PLCH2: variants seen among roughly 807,000 people sequenced by gnomAD.
PLCH2 encodes the protein phospholipase C eta 2.
PLCH2 carries 98 observed loss-of-function variants against 134.7 expected under a neutral mutation model. The observed-to-expected ratio is 0.73, with a 90% CI of 0.62 to 0.86. PLCH2 has a LOEUF of 0.86. PLCH2 is among the 40% of genes least tolerant of loss of function. The pLI is 0.00. For synonymous variants in PLCH2, 974 were observed against 827.5 expected (o/e 1.18, Z -3.04); for missense variants, 1,994 against 1,986.6 (o/e 1.00, Z -0.07).
At chr1:2,470,450 A>G (rs959207714) in intron 1 of PLCH2, among the ~76,000 whole-genome samples, 2 of 152,210 alleles carry the variant, frequency 1.3e-5, no homozygotes, top group African/African-American at 4.8e-5. Flanking sequence ...TCAGAGGGCC[A>G]GCTCCATCTC....
At position 2,504,731 on chromosome 1, in the gene PLCH2, C is replaced by G. The variant is rs1259468194; in HGVS notation, c.3769C>G (p.Leu1257Val). ...CCCCGTGGCTGCCAAGTCCAAGAGC[C>G]TGGGCGACCTCACTGCTGATGACTT... ...DCPVAAKSKSLGDLTADDFAP... is the reference protein window; with the variant it reads ...DCPVAAKSKSVGDLTADDFAP... The change falls in exon 22 of 22, where the codon CTG becomes GTG. Residue 1257 changes from leucine to valine, a missense_variant. By Grantham distance (32) the Leu-to-Val change is conservative (BLOSUM62 1). Transcript: ENST00000378486. 1.2e-6 allele frequency: 2 copies of G among 1,612,590 alleles called. No individual in the cohort carries two copies. Among genetic ancestry groups the G allele is most frequent in the Admixed American group, 1.7e-5 (1 of 60,016 alleles).
rs777511953 is a variant in PLCH2 at position 2,498,639 on chromosome 1, C to T, written c.2341C>T (p.Arg781Cys). 62 of 1,126,450 alleles carry T rather than the reference C, an allele frequency of 5.5e-5. No individual in the cohort carries two copies. The highest frequency in any genetic ancestry group is 6.5e-5 in the Non-Finnish European group (56 of 863,760). 69.8% of individuals were successfully genotyped at this position (1,126,450 alleles called of 1,614,324 possible). Residue 781 changes from arginine to cysteine, a missense_variant, in exon 17 of 22, where the codon CGT becomes TGT. Arg to Cys is a radical substitution (Grantham distance 180). Coordinates refer to ENST00000378486, the MANE Select transcript of PLCH2 (RefSeq NM_014638.4). This position sits in a 1 kb window ranked among gnomAD's most constrained non-coding sequence, Gnocchi z 5.4. ...GCCGCGCGACTCCATGCTGGGGGACCGTGGGGAGGTGGGGGCCAGCCCCAC... is the reference window on the plus strand; with the variant it reads ...GCCGCGCGACTCCATGCTGGGGGACTGTGGGGAGGTGGGGGCCAGCCCCAC... ...PKPRDSMLGDRGEIIDPFVEV... is the reference protein window; with the variant it reads ...PKPRDSMLGDCGEIIDPFVEV...
rs566449864 is a variant in PLCH2, at chr1:2,494,878, A to C, written c.1682A>C (p.Glu561Ala). 1 of 1,606,654 alleles carries C rather than the reference A, an allele frequency of 6.2e-7. No individual in the cohort carries two copies. The highest frequency in any genetic ancestry group is 1.1e-5 in the South Asian group (1 of 89,510). Residue 561 changes from glutamate to alanine, a missense_variant, in exon 12 of 22, where the codon GAG becomes GCG. By Grantham distance (107) the Glu-to-Ala change is moderately radical (BLOSUM62 -1). This residue lies in a region of PLCH2 where 1,094 missense variants were observed against 1,234.3 expected (regional missense o/e 0.89). Transcript: ENST00000378486. ...GRKSKAEEDVESGEDAGASRR... is the reference protein window; with the variant it reads ...GRKSKAEEDVASGEDAGASRR... ...CAGAGCAAGGCTGAAGAGGACGTGG[A>C]GTCTGGGGAGGATGCCGGGGCCAGC...
intron 3 of PLCH2, 42 bp downstream of exon 3, chr1:2,480,019 G>A (rs1387483562): frequency 6.9e-6 from 11 of 1,588,120 alleles, no homozygotes; most frequent in East Asian, 2.3e-5. Context: ...CCCAGGGACC[G>A]GCCCCTTGGC....
At chr1:2,496,087 C>A (rs998118828) in intron 13 of PLCH2, among the ~76,000 whole-genome samples, 2 of 152,140 alleles carry the variant, frequency 1.3e-5, no homozygotes, top group Non-Finnish European at 2.9e-5. Context: ...CTCCTATTGC[C>A]GTCTCCCCTC....
intron 2 of PLCH2, among the ~76,000 whole-genome samples, chr1:2,460,719 G>A (rs1273229014): frequency 6.6e-6 from 1 of 152,194 alleles, no homozygotes; most frequent in Non-Finnish European, 1.5e-5. Context: ...TGGTCCTGGG[G>A]GTGGGGACTG....
At chr1:2,418,868 G>A in the PLCH2 span, among the ~76,000 whole-genome samples, 2 of 152,206 alleles carry the variant, frequency 1.3e-5, no homozygotes, top group African/African-American at 4.8e-5. Flanking sequence ...TTATGCCCAG[G>A]TCTCTGCCCA....
chr1:2,436,891 A>G (rs1183693932), intron 2 of PLCH2, among the ~76,000 whole-genome samples: 1 of 152,158 alleles, frequency 6.6e-6, no homozygotes, highest in Non-Finnish European at 1.5e-5. Context: ...AGCATGGCCC[A>G]TCTGGTTAGA....
At chr1:2,499,295 T>C (rs1643080523) in intron 19 of PLCH2, 65 bp downstream of exon 19, 3 of 1,570,384 alleles carry the variant, frequency 1.9e-6, no homozygotes, top group African/African-American at 1.3e-5. Flanking sequence ...GCAGGTACTC[T>C]TTCCCCTGTG....
At chr1:2,460,015 C>T (rs1036522403) in intron 2 of PLCH2, among the ~76,000 whole-genome samples, 2 of 152,222 alleles carry the variant, frequency 1.3e-5, no homozygotes, top group Non-Finnish European at 2.9e-5. Flanking sequence ...TGAGCTGGGA[C>T]CTGGGCCAAG....
chr1:2,422,879 A>G (rs958781625), upstream of PLCH2, among the ~76,000 whole-genome samples: 2 of 152,146 alleles, frequency 1.3e-5, no homozygotes, highest in African/African-American at 4.8e-5. Context: ...ACCTGTGCAT[A>G]ATTTTGGAAG....
At chr1:2,474,122 G>A (rs1641485523), upstream of PLCH2, among the ~76,000 whole-genome samples, 1 of 152,054 alleles carries the variant, frequency 6.6e-6, no homozygotes, top group Non-Finnish European at 1.5e-5. Context: ...AGGCTGTGGG[G>A]CTGGGCTCGC....
In PLCH2 at chr1:2,476,507, G is replaced by A. The variant is rs1488790683; in HGVS notation, c.-82G>A. The stretch of plus-strand genomic sequence containing the variant: ...GCCCCACGGAGGTCCTGTCGCCAGC[G>A]CTGCCACTGCCTGACCTCCGCTGCC... On this transcript the variant is annotated 5_prime_UTR_variant, in exon 1 of 22. Transcript: ENST00000378486. 20 of 1,347,248 alleles carry A rather than the reference G, an allele frequency of 1.5e-5. No homozygotes were observed. The Admixed American group carries it at 2.1e-4, about 14-fold the overall frequency. 83.5% of individuals were successfully genotyped at this position (1,347,248 alleles called of 1,614,324 possible). A position where few individuals can be genotyped will look rare whatever the true frequency, so the allele number is the denominator to read the frequency against.
upstream of PLCH2, chr1:2,476,279 C>T (rs1052536854): frequency 7.6e-5 from 22 of 288,520 alleles, no homozygotes; most frequent in Admixed American, 1.5e-4. Context: ...TGGGGCTGGG[C>T]GGGGCTGAGG....
Position 2,484,548 on chromosome 1 carries a change from T to G in PLCH2, c.746T>G (p.Leu249Arg). ...CGCCGGGACCTCTACCTGCTCATGCTGACCTACAGCAACCACAAGGACCAC... is the reference window on the plus strand; with the variant it reads ...CGCCGGGACCTCTACCTGCTCATGCGGACCTACAGCAACCACAAGGACCAC... ...STRRDLYLLM[L>R]TYSNHKDHLD... The change falls in exon 5 of 22, where the codon CTG becomes CGG. Residue 249 changes from leucine to arginine, a missense_variant. Leu to Arg is a moderately radical substitution (Grantham distance 102, BLOSUM62 -2). Coordinates refer to ENST00000378486, the MANE Select transcript of PLCH2 (RefSeq NM_014638.4). 10 of 1,613,216 alleles carry G rather than the reference T, an allele frequency of 6.2e-6. No homozygotes were observed. Among genetic ancestry groups the G allele is most frequent in the Non-Finnish European group, 8.5e-6 (10 of 1,179,814 alleles).
chr1:2,483,299 T>C (rs1642075751), intron 4 of PLCH2, among the ~76,000 whole-genome samples: 1 of 152,078 alleles, frequency 6.6e-6, no homozygotes. Flanking sequence ...GATCAGCCCG[T>C]CCCATCTCTG....
upstream of PLCH2, among the ~76,000 whole-genome samples, chr1:2,424,290 A>G (rs1267340467): frequency 9.0e-6 from 1 of 110,514 alleles, no homozygotes; most frequent in Non-Finnish European, 1.9e-5. Context: ...CATGCTGCAC[A>G]ACAGAACTAA....
chr1:2,501,654 T>G (rs1643231636), intron 20 of PLCH2: 1 of 163,928 alleles, frequency 6.1e-6, no homozygotes, highest in Non-Finnish European at 1.3e-5. Flanking sequence ...GTGGACCAGC[T>G]ACTCCTGCCT....
intron 2 of PLCH2, among the ~76,000 whole-genome samples, chr1:2,434,843 C>T (rs1399290754): frequency 6.6e-6 from 1 of 152,238 alleles, no homozygotes; most frequent in East Asian, 1.9e-4. Context: ...GAAACCACCC[C>T]CGGGCAGAAT....
Sources: gnomAD v4.1 joint callset for allele counts (sites outside exome capture counted in the v4.1 genomes callset) on GRCh38, gnomAD v4.1.1 for gene constraint, gnomAD v4.1.1 regional missense constraint, Gnocchi (gnomAD v3.1) non-coding constraint, MANE v1.5 for transcripts, NCBI Gene and HGNC (gene_info 2026-07-23, HGNC 2026-07-21) for gene names.